KANK1: variants seen among roughly 807,000 people sequenced by gnomAD.
KANK1 encodes the protein KN motif and ankyrin repeat domain-containing protein 1.
KANK1 carries 109 observed loss-of-function variants against 106.2 expected under a neutral mutation model. That is an observed-to-expected ratio of 1.03 (90% CI 0.88 to 1.20). The LOEUF is 1.20. Among genes scored for constraint, KANK1 ranks in the 50% most tolerant of loss-of-function variants. The probability of loss-of-function intolerance (pLI) is 0.00; values close to 1 mark genes in which losing one functional copy is unlikely to be tolerated. For synonymous variants in KANK1, 873 were observed against 652.2 expected, an observed-to-expected ratio of 1.34 and a Z score of -5.16; for missense variants, 2,399 against 1,710.7, an observed-to-expected ratio of 1.40 and a Z score of -7.10.
chr9:534,963 G>T (rs1485781375), intron 1 of KANK1, among the ~76,000 whole-genome samples: 1 of 152,198 alleles, frequency 6.6e-6, no homozygotes, highest in African/African-American at 2.4e-5. Flanking sequence ...TAAGAAGCCA[G>T]ACCAGAGAAT....
chr9:567,691 A>G (rs933309343), intron 1 of KANK1, among the ~76,000 whole-genome samples: 5 of 152,224 alleles, frequency 3.3e-5, no homozygotes, highest in African/African-American at 9.6e-5. Context: ...ATCCATGAGA[A>G]TGTTTTCCTC....
At chr9:686,183 C>T (rs1007340238) in intron 2 of KANK1, among the ~76,000 whole-genome samples, 7 of 152,196 alleles carry the variant, frequency 4.6e-5, no homozygotes, top group East Asian at 1.9e-4. Flanking sequence ...CCTCTGTTCT[C>T]AGTATCCCCC....
chr9:659,534 A>G (rs1045783421), intron 1 of KANK1, among the ~76,000 whole-genome samples: 4 of 152,152 alleles, frequency 2.6e-5, no homozygotes, highest in East Asian at 1.9e-4. Context: ...TTGTACTGCT[A>G]TGAAGAACTA....
Position 740,910 on chromosome 9 carries a change from G to T in KANK1, c.3672G>T (p.Gly1224=). The change falls in exon 9 of 12, where the codon GGG becomes GGT. Residue 1224 remains glycine (G), a synonymous_variant. Transcript: ENST00000382297. ...MRIVEELFGC[G]DVNAKASQAG... is the part of the protein sequence containing the mutation. ...TTGTGGAAGAACTCTTCGGCTGTGG[G>T]GATGTGAATGCCAAAGCTAGTCAGG... 6.2e-7 allele frequency: 1 copy of T among 1,614,200 alleles called. No homozygotes were observed. Among genetic ancestry groups the T allele is most frequent in the Non-Finnish European group, 8.5e-7 (1 of 1,180,036 alleles).
At chr9:543,433 C>A (rs1416426615) in intron 1 of KANK1, among the ~76,000 whole-genome samples, 1 of 151,846 alleles carries the variant, frequency 6.6e-6, no homozygotes, top group Non-Finnish European at 1.5e-5. Context: ...GTAACGGGCG[C>A]TTGTTATCCC....
intron 1 of KANK1, among the ~76,000 whole-genome samples, chr9:616,433 A>T (rs183346422): frequency 6.6e-6 from 1 of 152,190 alleles, no homozygotes; most frequent in East Asian, 1.9e-4. Context: ...AATTTACGAA[A>T]CCTCTATTTT....
intron 1 of KANK1, among the ~76,000 whole-genome samples, chr9:597,715 G>C (rs1826577120): frequency 1.3e-5 from 2 of 151,284 alleles, no homozygotes; most frequent in Non-Finnish European, 2.9e-5. Flanking sequence ...CCAGGCTGGA[G>C]TACAGTGGCA....
chr9:563,905 C>G (rs1406100477), intron 1 of KANK1, among the ~76,000 whole-genome samples: 1 of 152,092 alleles, frequency 6.6e-6, no homozygotes, highest in East Asian at 1.9e-4. Context: ...TTGTTGGAAA[C>G]CCAATAAAAA....
chr9:629,756 G>T (rs546687594), intron 1 of KANK1, among the ~76,000 whole-genome samples: 1 of 152,282 alleles, frequency 6.6e-6, no homozygotes, highest in Admixed American at 6.5e-5. Flanking sequence ...TATGTAGAGA[G>T]AATTGGCATA....
In KANK1 at chr9:713,480, A is replaced by T; in HGVS notation, c.2698+16A>T. ...AAAATCACAGGTAGGTGGTACCCTG[A>T]GGACCTGGGAATGAGGAAGGATGGG... On this transcript the variant is annotated intron_variant, in intron 3 of 11. Transcript: ENST00000382297. 6.5e-7 allele frequency: 1 copy of T among 1,533,796 alleles called. No homozygotes were observed. Among genetic ancestry groups the T allele is most frequent in the Non-Finnish European group, 8.7e-7 (1 of 1,143,560 alleles).
At chr9:727,393 G>A (rs752439833) in intron 3 of KANK1, among the ~76,000 whole-genome samples, 4 of 151,590 alleles carry the variant, frequency 2.6e-5, no homozygotes, top group Non-Finnish European at 4.4e-5. Context: ...TTGGCTCACT[G>A]CAACCTCTGC....
intron 1 of KANK1, among the ~76,000 whole-genome samples, chr9:515,991 G>C (rs937156020): frequency 2.0e-5 from 3 of 151,722 alleles, no homozygotes; most frequent in Non-Finnish European, 2.9e-5. Flanking sequence ...TTCTTTTTAA[G>C]ACCTGTATGC....
Position 738,518 on chromosome 9 carries a change from C to A in KANK1, c.3553+14C>A, listed in dbSNP as rs537485286. The stretch of plus-strand genomic sequence containing the variant: ...TGTTAGATGCCGGTATGTTGGCTGC[C>A]CTTCCACCCTCTCTTCTCTAACAGT... On this transcript the variant is annotated intron_variant, in intron 8 of 11. Coordinates refer to ENST00000382297, the MANE Select transcript of KANK1 (RefSeq NM_015158.5). 8 of 1,594,334 alleles carry A rather than the reference C, an allele frequency of 5.0e-6. No individual in the cohort carries two copies. The South Asian group carries it at 8.8e-5, about 18-fold the overall frequency.
chr9:641,324 G>C (rs1457378867), intron 1 of KANK1, among the ~76,000 whole-genome samples: 1 of 152,104 alleles, frequency 6.6e-6, no homozygotes, highest in Non-Finnish European at 1.5e-5. Context: ...TTACCTAATC[G>C]TCGTTTCCTG....
intron 1 of KANK1, among the ~76,000 whole-genome samples, chr9:604,458 T>C (rs1413744698): frequency 1.3e-5 from 2 of 151,786 alleles, no homozygotes; most frequent in African/African-American, 2.4e-5. Context: ...AGTTTCACCC[T>C]TGCACCCATG....
chr9:578,472 T>G lies in KANK1; in HGVS notation c.-84+73718T>G, dbSNP rs141248186. Among the ~76,000 whole-genome samples, 159 of 152,208 alleles carry G rather than the reference T, an allele frequency of 1.0e-3. 1 individual carries two copies. Among genetic ancestry groups the G allele is most frequent in the African/African-American group, 3.3e-3 (136 of 41,508 alleles). On this transcript the variant is annotated intron_variant, in intron 1 of 11. Transcript: ENST00000382297. ...ATCCTGAAAGAAAAAGCCTTTTTTT[T>G]TTGTTGGGCGGCAGGGAGGGGGTGC...
intron 1 of KANK1, among the ~76,000 whole-genome samples, chr9:597,535 T>C (rs1275582111): frequency 6.6e-6 from 1 of 151,866 alleles, no homozygotes; most frequent in Non-Finnish European, 1.5e-5. Context: ...TGAAGTCCTT[T>C]GCCCATTTAA....
chr9:721,849 C>T (rs1231118415), intron 3 of KANK1, among the ~76,000 whole-genome samples: 2 of 152,212 alleles, frequency 1.3e-5, no homozygotes, highest in Non-Finnish European at 2.9e-5. Context: ...TGAAGGCATA[C>T]GGTCAACTTG....
chr9:482,215 A>T (rs1232337907), intron 3 of KANK1, among the ~76,000 whole-genome samples: 1 of 152,204 alleles, frequency 6.6e-6, no homozygotes, highest in African/African-American at 2.4e-5. Flanking sequence ...TCATTGGGCT[A>T]CCTCTTGGAC....
Sources: gnomAD v4.1 joint callset for allele counts (sites outside exome capture counted in the v4.1 genomes callset) on GRCh38, gnomAD v4.1.1 for gene constraint, MANE v1.5 for transcripts, NCBI Gene and HGNC (gene_info 2026-07-23, HGNC 2026-07-21) for gene names.